Variants in IGF2 observed in about 807,000 individuals in gnomAD.
IGF2 encodes insulin-like growth factor 2.
Under a neutral mutation model 12.0 loss-of-function variants are expected in IGF2, and 2 were observed. The ratio of observed to expected loss-of-function variants is 0.17; its 90% CI spans 0.07 to 0.52. The LOEUF (loss-of-function observed/expected upper bound fraction) is 0.52. Among genes scored for constraint, IGF2 ranks in the 20% least tolerant of loss-of-function variants. IGF2 has a pLI of 0.95. For missense variants in IGF2, 211 were observed against 268.0 expected, an observed-to-expected ratio of 0.79 and a Z score of 1.48; for synonymous variants, 105 against 110.1, an observed-to-expected ratio of 0.95 and a Z score of 0.29.
chr11:2,137,180 C>T lies in IGF2; in HGVS notation c.-7+1049G>A, dbSNP rs1376913672. On this transcript the variant is annotated intron_variant, in intron 1 of 3. Transcript: ENST00000416167. ...CAGCGGGGGTCCTCACTCCACAGCC[C>T]TGGTTACCTACAGCTCAGCAGAAGG... is the stretch of plus-strand genomic sequence containing the variant. 1.6e-5 allele frequency: 16 copies of T among 976,562 alleles called. No homozygotes were observed. In the South Asian group the frequency reaches 1.8e-4, roughly 11 times the overall value. The allele number at this position is 976,562 out of a possible 1,614,324, so 60.5% of individuals were successfully genotyped here. A position where few individuals can be genotyped will look rare whatever the true frequency, so the allele number is the denominator to read the frequency against.
chr11:2,138,388 TGGGGGGG>T lies in IGF2; in HGVS notation c.-173_-167del. On this transcript the variant is annotated 5_prime_UTR_variant, in exon 1 of 4. Transcript: ENST00000416167. ...GCAGAGCGGGGGGATGGCTTTTTTT[TGGGGGGG>T]GGGGGAGAATTCGTCTGATTGTCCA... 2 of 128,470 alleles carry T rather than the reference TGGGGGGG, an allele frequency of 1.6e-5. No homozygotes were observed. Among genetic ancestry groups the T allele is most frequent in the Non-Finnish European group, 2.1e-5 (2 of 93,404 alleles). The allele number at this position is 128,470 out of a possible 1,614,324, so 8.0% of individuals were successfully genotyped here.
upstream of IGF2, among the ~76,000 whole-genome samples, chr11:2,145,053 C>T (rs533445678): frequency 1.4e-3 from 206 of 152,220 alleles, no homozygotes; most frequent in Middle Eastern, 0.01. Context: ...ACCCACAGAA[C>T]AAGACACGTG....
the IGF2 span, chr11:2,147,720 G>T: frequency 8.0e-7 from 1 of 1,249,434 alleles, no homozygotes. This position sits in a 1 kb window ranked among gnomAD's most constrained non-coding sequence, Gnocchi z 7.2. Flanking sequence ...GCTGGGCAGG[G>T]GGCTGAGCTG....
At chr11:2,147,506 G>T in the IGF2 span, 1 of 713,482 alleles carries the variant, frequency 1.4e-6, no homozygotes, top group South Asian at 7.3e-5. The surrounding 1 kb of genome is among the most constrained non-coding windows in gnomAD (Gnocchi z 7.2). Flanking sequence ...CCAGTTCGAA[G>T]ACTCCCGCGC....
intron 2 of IGF2, 134 bp downstream of exon 2, chr11:2,135,233 G>C (rs1858919514): frequency 7.7e-6 from 6 of 775,544 alleles, no homozygotes; most frequent in Non-Finnish European, 1.2e-5. Flanking sequence ...AAACGCGGCG[G>C]GAAGGTCAAA....
rs536204564 is a variant in IGF2 at position 2,133,517 on chromosome 11, C to A, written c.306G>T (p.Pro102=). 1 of 1,610,276 alleles carries A rather than the reference C, an allele frequency of 6.2e-7. No individual in the cohort carries two copies. Among genetic ancestry groups the A allele is most frequent in the South Asian group, 1.1e-5 (1 of 90,658 alleles). Residue 102 remains proline (P), a splice_region_variant and synonymous_variant, in exon 3 of 4, where the codon CCG becomes CCT. Coordinates refer to ENST00000416167, the MANE Select transcript of IGF2 (RefSeq NM_000612.6). The surrounding 1 kb of genome is among the most constrained non-coding windows in gnomAD (Gnocchi z 8.9). The part of the protein sequence containing the change: ...RDVSTPPTVL[P]DNFPRYPVGK... The stretch of plus-strand genomic sequence containing the variant: ...TGGGAAAGGGGCCCAGGACCCTCAC[C>A]GGAAGCACGGTCGGAGGGGTCGACA...
In IGF2 at chr11:2,138,404, A is replaced by T. The variant is rs2133604431; in HGVS notation, c.-182T>A. On this transcript the variant is annotated 5_prime_UTR_variant, in exon 1 of 4. Coordinates refer to ENST00000416167, the MANE Select transcript of IGF2 (RefSeq NM_000612.6). The stretch of plus-strand genomic sequence containing the variant: ...GCTTTTTTTTGGGGGGGGGGGGAGA[A>T]TTCGTCTGATTGTCCAGGGAGGACG... 1.8e-6 allele frequency: 1 copy of T among 566,120 alleles called. No individual in the cohort carries two copies. The highest frequency in any genetic ancestry group is 8.0e-5 in the South Asian group (1 of 12,444). The allele number at this position is 566,120 out of a possible 1,614,324, so 35.1% of individuals were successfully genotyped here. A position where few individuals can be genotyped will look rare whatever the true frequency, so the allele number is the denominator to read the frequency against.
At chr11:2,136,443 G>A (rs984982684) in intron 1 of IGF2, among the ~76,000 whole-genome samples, 1 of 152,236 alleles carries the variant, frequency 6.6e-6, no homozygotes, top group Non-Finnish European at 1.5e-5. Flanking sequence ...TGGAAGGGGA[G>A]GCCAGTCTTA....
At chr11:2,140,169 AGCTCGCCTTTGCG>A, upstream of IGF2, 1 of 1,613,390 alleles carries the variant, frequency 6.2e-7, no homozygotes, top group Non-Finnish European at 8.5e-7. Context: ...GCGTCTAAGT[AGCTCGCCTTTGCG>A]GCCCACCCAA....
At position 2,132,862 on chromosome 11, in the gene IGF2, T is replaced by G; in HGVS notation, c.*125A>C. 1 of 683,286 alleles carries G rather than the reference T, an allele frequency of 1.5e-6. No individual in the cohort carries two copies. The highest frequency in any genetic ancestry group is 2.5e-6 in the Non-Finnish European group (1 of 403,244). 42.3% of individuals were successfully genotyped at this position (683,286 alleles called of 1,614,324 possible). ...GGGGAGGCGGGGCACGGGGACTGGG[T>G]CAGGAGAAGCCCCAGGGGGACGTGG... On this transcript the variant is annotated 3_prime_UTR_variant, in exon 4 of 4. Transcript: ENST00000416167.
At chr11:2,138,138 G>T in intron 1 of IGF2, 91 bp downstream of exon 1, 1 of 827,450 alleles carries the variant, frequency 1.2e-6, no homozygotes, top group Non-Finnish European at 1.5e-6. Context: ...CAGGCCCCGG[G>T]CCGGGAGCGG....
rs1235405744 is a variant in IGF2 at position 2,132,005 on chromosome 11, G to C, written c.*982C>G. ...GTGTGTGCTGTGCGTTTGTGTGTGT[G>C]CTGTGTGCTCATCTGTGTGCTGTGT... On this transcript the variant is annotated 3_prime_UTR_variant, in exon 4 of 4. Coordinates refer to ENST00000416167, the MANE Select transcript of IGF2 (RefSeq NM_000612.6). 2 of 184,470 alleles carry C rather than the reference G, an allele frequency of 1.1e-5. No individual in the cohort carries two copies. Among genetic ancestry groups the C allele is most frequent in the African/African-American group, 5.3e-5 (2 of 37,642 alleles). The allele number at this position is 184,470 out of a possible 1,614,324, so 11.4% of individuals were successfully genotyped here. A position where few individuals can be genotyped will look rare whatever the true frequency, so the allele number is the denominator to read the frequency against.
At chr11:2,146,381 T>G in the IGF2 span, 1 of 535,256 alleles carries the variant, frequency 1.9e-6, no homozygotes, top group African/African-American at 1.9e-5. Flanking sequence ...GCGCTGACCT[T>G]GCGCTCACTC....
chr11:2,138,680 G>C lies in IGF2; in HGVS notation c.-458C>G, dbSNP rs1859289296. ...CGTGTAATTAATCCACTTTGGTTCGGCGAAGGCGAGAGGGCGGGCGTGAGG... is the reference window on the plus strand; with the variant it reads ...CGTGTAATTAATCCACTTTGGTTCGCCGAAGGCGAGAGGGCGGGCGTGAGG... On this transcript the variant is annotated 5_prime_UTR_variant, in exon 1 of 4. Transcript: ENST00000416167. 4.1e-6 allele frequency: 4 copies of C among 969,126 alleles called. No individual in the cohort carries two copies. Among genetic ancestry groups the C allele is most frequent in the Non-Finnish European group, 4.9e-6 (4 of 822,778 alleles). 60.0% of individuals were successfully genotyped at this position (969,126 alleles called of 1,614,324 possible).
chr11:2,134,577 A>C (rs1858857629), intron 2 of IGF2, among the ~76,000 whole-genome samples: 2 of 152,244 alleles, frequency 1.3e-5, no homozygotes. Flanking sequence ...GTGAGTAAGC[A>C]GTGGTGGTAA....
rs893403123 is a variant in IGF2, at chr11:2,138,732, T to TG, written c.-511dup. The TG allele has an allele frequency of 3.1e-4, 23 of 73,046 alleles. No homozygotes were observed. Among genetic ancestry groups the TG allele is most frequent in the African/African-American group, 7.5e-4 (4 of 5,326 alleles). The allele number at this position is 73,046 out of a possible 1,614,324, so 4.5% of individuals were successfully genotyped here. ...GGGGAGGGAGTCGGAGGCTAGGAGC[T>TG]GGGGGGGACGGGAGGGAGCGAAGGG... On this transcript the variant is annotated 5_prime_UTR_variant, in exon 1 of 4. Transcript: ENST00000416167.
intron 2 of IGF2, chr11:2,134,217 C>T: frequency 2.2e-6 from 1 of 465,092 alleles, no homozygotes; most frequent in Admixed American, 2.6e-5. Context: ...CTCTCCCCCA[C>T]AGCAATGCTC....
Position 2,131,553 on chromosome 11 carries a change from T to C in IGF2, c.*1434A>G, listed in dbSNP as rs1590110160. 3 of 190,956 alleles carry C rather than the reference T, an allele frequency of 1.6e-5. No individual in the cohort carries two copies. The South Asian group carries it at 6.6e-4, about 42-fold the overall frequency. 11.8% of individuals were successfully genotyped at this position (190,956 alleles called of 1,614,324 possible). On this transcript the variant is annotated 3_prime_UTR_variant, in exon 4 of 4. Transcript: ENST00000416167. ...TGAGTGTGTGTGCTGTGTGTGCATG[T>C]GTGTGCTGTGTGTTTGTGTGTGTGC...
upstream of IGF2, among the ~76,000 whole-genome samples, chr11:2,144,540 G>C (rs920708595): frequency 6.6e-5 from 10 of 152,252 alleles, no homozygotes; most frequent in African/African-American, 2.2e-4. Context: ...CGGGAGGAGG[G>C]GGGTGCAGGG....
Sources: gnomAD v4.1 joint callset for allele counts (sites outside exome capture counted in the v4.1 genomes callset) on GRCh38, gnomAD v4.1.1 for gene constraint, Gnocchi (gnomAD v3.1) non-coding constraint, MANE v1.5 for transcripts, NCBI Gene and HGNC (gene_info 2026-07-23, HGNC 2026-07-21) for gene names.